The following DUSP10 variants were observed in gnomAD, a reference collection of about 807,000 sequenced individuals.
The protein encoded by DUSP10 is dual specificity phosphatase 10, also known as dual specificity protein phosphatase 10.
DUSP10 carries 14 observed loss-of-function variants against 30.8 expected under a neutral mutation model. The observed-to-expected ratio is 0.46, with a 90% confidence interval of 0.30 to 0.71. The LOEUF (loss-of-function observed/expected upper bound fraction) is 0.71. Ranked by LOEUF, DUSP10 falls within the 30% of genes least tolerant of loss-of-function variation. DUSP10 has a pLI of 0.08. For missense variants in DUSP10, 550 were observed against 619.4 expected (o/e 0.89, Z 1.19); for synonymous variants, 254 against 250.4 (o/e 1.01, Z -0.14).
At chr1:221,717,206 C>T (rs1012672580) in intron 2 of DUSP10, among the ~76,000 whole-genome samples, 10 of 152,086 alleles carry the variant, frequency 6.6e-5, no homozygotes, top group African/African-American at 2.4e-4. Context: ...GAACACCACA[C>T]TGGGAAAGGC....
At chr1:221,737,545 G>T in intron 2 of DUSP10, 1 of 797,290 alleles carries the variant, frequency 1.3e-6, no homozygotes, top group Non-Finnish European at 1.5e-6. Flanking sequence ...CAACCACCAC[G>T]ACCAGGAAAT....
chr1:221,734,479 C>T (rs1253582603), intron 2 of DUSP10, among the ~76,000 whole-genome samples: 1 of 152,194 alleles, frequency 6.6e-6, no homozygotes, highest in African/African-American at 2.4e-5. Flanking sequence ...CATTTCCTTT[C>T]AATCAATATC....
At chr1:221,730,949 G>C (rs1019480007) in intron 2 of DUSP10, among the ~76,000 whole-genome samples, 1 of 152,022 alleles carries the variant, frequency 6.6e-6, no homozygotes, top group African/African-American at 2.4e-5. Flanking sequence ...AACATCTAAA[G>C]AATCAAAGAC....
chr1:221,703,191 ATGTGTGTG>A (rs1271461633), intron 3 of DUSP10, among the ~76,000 whole-genome samples: 55 of 138,516 alleles, frequency 4.0e-4, no homozygotes, highest in African/African-American at 1.5e-3. Context: ...ATGTATATGT[ATGTGTGTG>A]TATGTGTGTG....
chr1:221,716,079 C>T (rs1032779586), intron 2 of DUSP10, among the ~76,000 whole-genome samples: 4 of 149,940 alleles, frequency 2.7e-5, no homozygotes, highest in African/African-American at 9.8e-5. Flanking sequence ...CCTACACCTT[C>T]TCTGTCTCTC....
intron 2 of DUSP10, among the ~76,000 whole-genome samples, chr1:221,717,844 A>C (rs1661154002): frequency 1.3e-5 from 2 of 152,132 alleles, no homozygotes; most frequent in Admixed American, 1.3e-4. Flanking sequence ...CAGCCTCCAG[A>C]ACTATAAGAA....
At chr1:221,716,363 G>A (rs984981716) in intron 2 of DUSP10, among the ~76,000 whole-genome samples, 1 of 152,148 alleles carries the variant, frequency 6.6e-6, no homozygotes, top group East Asian at 1.9e-4. Flanking sequence ...GACAGGTTGT[G>A]GGCATAGTTG....
At chr1:221,709,876 A>G (rs1660884023) in intron 2 of DUSP10, among the ~76,000 whole-genome samples, 1 of 152,184 alleles carries the variant, frequency 6.6e-6, no homozygotes, top group East Asian at 1.9e-4. Flanking sequence ...TCACTTAATG[A>G]GGAACCCTGA....
At chr1:221,737,813 A>G (rs139749908) in intron 2 of DUSP10, among the ~76,000 whole-genome samples, 1 of 152,242 alleles carries the variant, frequency 6.6e-6, no homozygotes, top group Non-Finnish European at 1.5e-5. Flanking sequence ...CCATAGAGAC[A>G]AAATAACTAA....
chr1:221,739,349 C>A lies in DUSP10; in HGVS notation c.396G>T (p.Gly132=), dbSNP rs1224503824. The A allele has an allele frequency of 6.2e-7, 1 of 1,613,972 alleles. No homozygotes were observed. Among genetic ancestry groups the A allele is most frequent in the Non-Finnish European group, 8.5e-7 (1 of 1,179,930 alleles). Residue 132 remains glycine (G), a synonymous_variant, in exon 2 of 4, where the codon GGG becomes GGT. Coordinates refer to ENST00000366899, the MANE Select transcript of DUSP10 (RefSeq NM_007207.6). Reference sequence around the variant, plus strand: ...GGGTCCCTGACACAGGGCTGCCCACCCCACTTGATGGACTTAGAGAGCCTG... The same window carrying A: ...GGGTCCCTGACACAGGGCTGCCCACACCACTTGATGGACTTAGAGAGCCTG... ...ENTGSLSPSS[G]VGSPVSGTPK... is the part of the protein sequence containing the mutation.
intron 2 of DUSP10, among the ~76,000 whole-genome samples, chr1:221,724,711 G>C (rs866306294): frequency 6.6e-6 from 1 of 152,160 alleles, no homozygotes; most frequent in African/African-American, 2.4e-5. Context: ...GTGTTTGTTT[G>C]CATGTGAATG....
intron 2 of DUSP10, among the ~76,000 whole-genome samples, chr1:221,722,242 G>A (rs564911303): frequency 3.3e-5 from 5 of 152,340 alleles, no homozygotes; most frequent in Non-Finnish European, 4.4e-5. Flanking sequence ...TAACGCTCTT[G>A]AAAGGTAGAA....
intron 2 of DUSP10, among the ~76,000 whole-genome samples, chr1:221,724,965 C>T (rs12044821): frequency 0.012 from 1,813 of 152,276 alleles, 50 homozygotes; most frequent in East Asian, 0.061. Context: ...CAAGTAGCCA[C>T]GACAATAGCT....
rs779913097 is a variant in DUSP10, at chr1:221,739,011, C to T, written c.734G>A (p.Arg245Gln). 24 of 1,614,126 alleles carry T rather than the reference C, an allele frequency of 1.5e-5. No individual in the cohort carries two copies. The highest frequency in any genetic ancestry group is 3.3e-5 in the South Asian group (3 of 91,082). The change falls in exon 2 of 4, where the codon CGA (arginine) becomes CAA (glutamine). Residue 245 changes from arginine (R) to glutamine (Q), a missense_variant. By Grantham distance (43) the Arg-to-Gln change is conservative (BLOSUM62 1). Transcript: ENST00000366899. ...VYDENTNEPS[R>Q]VMPSQPLHIV... ...GTGAAGTGGCTGGGAGGGCATCACT[C>T]GGCTTGGTTCATTGGTATTCTCATC...
intron 2 of DUSP10, chr1:221,737,556 G>T: frequency 1.4e-6 from 1 of 712,678 alleles, no homozygotes; most frequent in Non-Finnish European, 1.7e-6. Context: ...ACCAGGAAAT[G>T]TCTAGAAGCT....
chr1:221,737,935 G>C (rs1661828987), intron 2 of DUSP10, among the ~76,000 whole-genome samples: 1 of 152,190 alleles, frequency 6.6e-6, no homozygotes. Context: ...CCCAGAAACT[G>C]CGTACCTTGG....
intron 2 of DUSP10, chr1:221,737,273 T>C (rs1661805351): frequency 1.0e-6 from 1 of 985,456 alleles, no homozygotes; most frequent in South Asian, 4.7e-5. Flanking sequence ...ACACCTGCTC[T>C]GCGTGAGAAA....
chr1:221,722,702 C>T (rs1470257274), intron 2 of DUSP10, among the ~76,000 whole-genome samples: 1 of 152,178 alleles, frequency 6.6e-6, no homozygotes, highest in Non-Finnish European at 1.5e-5. Context: ...AAGAGATACT[C>T]ATAGGAGTCA....
chr1:221,705,113 T>TG (rs1399162989), intron 3 of DUSP10, among the ~76,000 whole-genome samples: 1 of 145,624 alleles, frequency 6.9e-6, no homozygotes, highest in Non-Finnish European at 1.5e-5. Flanking sequence ...TTTTGAGTGT[T>TG]TTTTTTTTTT....
Sources: gnomAD v4.1 joint callset for allele counts (sites outside exome capture counted in the v4.1 genomes callset) on GRCh38, gnomAD v4.1.1 for gene constraint, MANE v1.5 for transcripts, NCBI Gene and HGNC (gene_info 2026-07-23, HGNC 2026-07-21) for gene names.